ANKRD12: variants seen among roughly 807,000 people sequenced by gnomAD.
ANKRD12 encodes the protein ankyrin repeat domain 12.
ANKRD12 carries 85 observed loss-of-function variants against 183.4 expected under a neutral mutation model. The observed-to-expected ratio is 0.46, with a 90% confidence interval of 0.39 to 0.56. The LOEUF is 0.56. ANKRD12 is among the 20% of genes least tolerant of loss of function. ANKRD12 has a pLI of 0.00. For missense variants in ANKRD12, 2,405 were observed against 2,357.1 expected (o/e 1.02, Z -0.42); for synonymous variants, 914 against 800.2 (o/e 1.14, Z -2.40).
At chr18:9,274,422 G>C (rs1598777795) in intron 10 of ANKRD12, among the ~76,000 whole-genome samples, 1 of 152,208 alleles carries the variant, frequency 6.6e-6, no homozygotes, top group Non-Finnish European at 1.5e-5. Context: ...ATTATGCCAA[G>C]TGAAAGAAGC....
intron 1 of ANKRD12, among the ~76,000 whole-genome samples, chr18:9,173,935 G>C (rs7505002): frequency 0.21 from 32,098 of 152,208 alleles, 3,850 homozygotes; most frequent in African/African-American, 0.32. Flanking sequence ...GAGACATTGG[G>C]CACTCCTCCC....
chr18:9,145,527 G>C (rs80261592), intron 1 of ANKRD12, among the ~76,000 whole-genome samples: 9,588 of 152,274 alleles, frequency 0.063, 330 homozygotes, highest in Non-Finnish European at 0.079. Context: ...GCTGTGGAAA[G>C]GAACATGGTA....
chr18:9,192,982 C>T (rs1213098712), intron 2 of ANKRD12, among the ~76,000 whole-genome samples: 1 of 152,074 alleles, frequency 6.6e-6, no homozygotes, highest in African/African-American at 2.4e-5. Context: ...CTGCACCCAG[C>T]CTGATTTACT....
intron 3 of ANKRD12, among the ~76,000 whole-genome samples, chr18:9,198,102 C>T (rs2034950347): frequency 6.6e-6 from 1 of 152,078 alleles, no homozygotes; most frequent in African/African-American, 2.4e-5. Context: ...CAGCATCAGA[C>T]TTCATATCTG....
intron 8 of ANKRD12, among the ~76,000 whole-genome samples, chr18:9,237,777 C>T (rs193193486): frequency 8.5e-5 from 13 of 152,156 alleles, no homozygotes; most frequent in Admixed American, 3.3e-4. Context: ...ATTAAGGAGA[C>T]GTGTCTTAGG....
chr18:9,223,323 G>A (rs550307914), intron 8 of ANKRD12, among the ~76,000 whole-genome samples: 69 of 151,368 alleles, frequency 4.6e-4, no homozygotes, highest in African/African-American at 1.5e-3. Context: ...GCGTGATCTC[G>A]GCTCACTGCA....
chr18:9,165,644 T>C (rs979369126), intron 1 of ANKRD12, among the ~76,000 whole-genome samples: 4 of 152,186 alleles, frequency 2.6e-5, no homozygotes, highest in African/African-American at 9.6e-5. Flanking sequence ...CTTGGCATAA[T>C]GTCTTCAGTG....
chr18:9,148,449 T>G (rs2078567381), intron 1 of ANKRD12, among the ~76,000 whole-genome samples: 1 of 152,222 alleles, frequency 6.6e-6, no homozygotes, highest in African/African-American at 2.4e-5. Flanking sequence ...CAATCAGATG[T>G]TTCATGTTGT....
chr18:9,208,152 G>A (rs1412437722), intron 4 of ANKRD12, among the ~76,000 whole-genome samples: 1 of 152,020 alleles, frequency 6.6e-6, no homozygotes, highest in Non-Finnish European at 1.5e-5. Context: ...AAAATGATTT[G>A]GTACTTTTTT....
chr18:9,184,521 T>A (rs531479503), intron 2 of ANKRD12, among the ~76,000 whole-genome samples: 5 of 151,968 alleles, frequency 3.3e-5, no homozygotes, highest in Non-Finnish European at 7.4e-5. Flanking sequence ...GCCTCCTGAG[T>A]AGCTGAGACC....
In ANKRD12 at chr18:9,180,156, T is replaced by C. The variant is rs28786977; in HGVS notation, c.-51-2226T>C. On this transcript the variant is annotated intron_variant, in intron 1 of 12. Transcript: ENST00000262126. ...AGCTCTGTTGTTGGTTGCATACATATGTCAGATTGGTGTGTTGTCTTAGTG... is the reference window on the plus strand; with the variant it reads ...AGCTCTGTTGTTGGTTGCATACATACGTCAGATTGGTGTGTTGTCTTAGTG... Among the ~76,000 whole-genome samples the C allele has an allele frequency of 2.8e-4, 42 of 152,294 alleles. No homozygotes were observed. The East Asian group carries it at 4.8e-3, about 17-fold the overall frequency.
intron 1 of ANKRD12, among the ~76,000 whole-genome samples, chr18:9,147,531 C>G (rs2078532672): frequency 6.6e-6 from 1 of 152,000 alleles, no homozygotes. Context: ...TTCTCTAGAC[C>G]TATTTAAATC....
rs951575034 is a variant in ANKRD12, at chr18:9,157,561, G to A, written c.-52+20596G>A. ...TTATGGTGTGTGTGGGTGTGTGTGT[G>A]TGTGTGTGTGTGTGTGTGTGTGTGT... On this transcript the variant is annotated intron_variant, in intron 1 of 12. Coordinates refer to ENST00000262126, the MANE Select transcript of ANKRD12 (RefSeq NM_015208.5). Among the ~76,000 whole-genome samples the A allele has an allele frequency of 5.5e-3, 614 of 112,054 alleles. 150 individuals carry two copies. The highest frequency in any genetic ancestry group is 0.028 in the Middle Eastern group (7 of 250). 73.5% of individuals were successfully genotyped at this position (112,054 alleles called of 152,430 possible).
intron 2 of ANKRD12, among the ~76,000 whole-genome samples, chr18:9,193,302 C>G (rs1305264945): frequency 6.6e-6 from 1 of 151,916 alleles, no homozygotes; most frequent in African/African-American, 2.4e-5. Flanking sequence ...CCATGCCTGG[C>G]TAATTTTTAA....
In ANKRD12 at chr18:9,193,525, T is replaced by G. The variant is rs140909955; in HGVS notation, c.88-2026T>G. Among the ~76,000 whole-genome samples, 867 of 152,150 alleles carry G rather than the reference T, an allele frequency of 5.7e-3. 11 individuals carry two copies. The highest frequency in any genetic ancestry group is 0.018 in the African/African-American group (742 of 41,490). ...AATCTCAGTGGTTTTTTTTTGTTTG[T>G]TTGGTTGTTTTTATCTTTTCTCTGT... On this transcript the variant is annotated intron_variant, in intron 2 of 12. Transcript: ENST00000262126.
intron 6 of ANKRD12, among the ~76,000 whole-genome samples, chr18:9,214,503 C>T (rs2035984344): frequency 6.7e-6 from 1 of 149,154 alleles, no homozygotes; most frequent in Admixed American, 6.6e-5. Flanking sequence ...AGCAGTTCGT[C>T]TCTCCAGTAA....
At chr18:9,245,029 T>C (rs1184807427) in intron 8 of ANKRD12, among the ~76,000 whole-genome samples, 2 of 152,174 alleles carry the variant, frequency 1.3e-5, no homozygotes, top group African/African-American at 4.8e-5. Flanking sequence ...TATTTTAAAA[T>C]AAAATATCAC....
intron 8 of ANKRD12, among the ~76,000 whole-genome samples, chr18:9,248,713 G>A (rs1226407890): frequency 6.6e-6 from 1 of 151,954 alleles, no homozygotes; most frequent in Non-Finnish European, 1.5e-5. Context: ...AGAAAACCAG[G>A]AGCTCAGTGT....
At chr18:9,150,845 G>A (rs962818764) in intron 1 of ANKRD12, among the ~76,000 whole-genome samples, 2 of 150,560 alleles carry the variant, frequency 1.3e-5, no homozygotes, top group African/African-American at 4.8e-5. Flanking sequence ...AGTAGAGACA[G>A]GGTTTCACCA....
Sources: allele counts gnomAD v4.1 joint callset (sites outside exome capture counted in the v4.1 genomes callset), GRCh38; gene constraint gnomAD v4.1.1; transcripts MANE v1.5; gene names NCBI Gene and HGNC (gene_info 2026-07-23, HGNC 2026-07-21).